The following OTUD4 variants were observed in gnomAD, a reference collection of about 807,000 sequenced individuals.
OTUD4 encodes OTU deubiquitinase 4, also known as OTU domain-containing protein 4.
Under a neutral mutation model 130.4 loss-of-function variants are expected in OTUD4, and 24 were observed. The observed-to-expected ratio is 0.18, with a 90% CI of 0.13 to 0.26. The LOEUF (loss-of-function observed/expected upper bound fraction) is 0.26. OTUD4 is among the 10% of genes least tolerant of loss of function. The pLI is 1.00. For synonymous variants in OTUD4, 420 were observed against 472.5 expected, an observed-to-expected ratio of 0.89 and a Z score of 1.44; for missense variants, 1,031 against 1,329.4, an observed-to-expected ratio of 0.78 and a Z score of 3.49.
At chr4:145,156,671 G>A (rs1355724293) in intron 7 of OTUD4, among the ~76,000 whole-genome samples, 4 of 149,020 alleles carry the variant, frequency 2.7e-5, no homozygotes, top group Non-Finnish European at 4.4e-5. Flanking sequence ...CAGCAAGAGC[G>A]AAACTCCGTC....
In OTUD4 at chr4:145,165,145, G is replaced by C. The variant is rs1751785502; in HGVS notation, c.341+6C>G. The C allele has an allele frequency of 6.5e-7, 1 of 1,549,892 alleles. No individual in the cohort carries two copies. The highest frequency in any genetic ancestry group is 1.4e-5 in the African/African-American group (1 of 73,424). On this transcript the variant is annotated splice_donor_region_variant and intron_variant, in intron 4 of 20. Transcript: ENST00000447906. ...TTTCTTTTACTTATGTTATTACAGT[G>C]TTTACCTGTACATAAGAGAAAGGGC...
intron 13 of OTUD4, among the ~76,000 whole-genome samples, chr4:145,150,016 G>C (rs1750992902): frequency 6.6e-6 from 1 of 152,184 alleles, no homozygotes; most frequent in Non-Finnish European, 1.5e-5. Context: ...TGGATACTTA[G>C]TCAGAATGCT....
At chr4:145,163,702 C>T (rs1560993451) in intron 5 of OTUD4, among the ~76,000 whole-genome samples, 1 of 139,666 alleles carries the variant, frequency 7.2e-6, no homozygotes, top group Non-Finnish European at 1.5e-5. Flanking sequence ...TTAATAGGAA[C>T]CTTTTTTTTT....
At chr4:145,174,288 A>G (rs1752319383) in intron 2 of OTUD4, among the ~76,000 whole-genome samples, 4 of 151,840 alleles carry the variant, frequency 2.6e-5, no homozygotes, top group African/African-American at 9.7e-5. Flanking sequence ...TTTTTCTTTT[A>G]ATTTATAGGG....
intron 17 of OTUD4, 69 bp from the exon 18 acceptor site, chr4:145,142,403 T>C: frequency 7.2e-7 from 1 of 1,386,418 alleles, no homozygotes; most frequent in South Asian, 1.3e-5. Flanking sequence ...ACACTATTTC[T>C]AACCACCAGA....
At chr4:145,165,542 A>T (rs1751813571) in intron 3 of OTUD4, among the ~76,000 whole-genome samples, 1 of 151,678 alleles carries the variant, frequency 6.6e-6, no homozygotes, top group Admixed American at 6.6e-5. Flanking sequence ...CAGCGGCGTG[A>T]TCTCGGCTCA....
intron 10 of OTUD4, 61 bp downstream of exon 10, chr4:145,155,350 T>C (rs908694175): frequency 7.5e-7 from 1 of 1,335,888 alleles, no homozygotes; most frequent in Non-Finnish European, 1.1e-6. Context: ...TTTTCTCTGT[T>C]TGTATTAGAA....
chr4:145,149,947 G>C (rs1479302692), intron 13 of OTUD4, among the ~76,000 whole-genome samples: 1 of 152,074 alleles, frequency 6.6e-6, no homozygotes, highest in East Asian at 1.9e-4. Flanking sequence ...TGAAGACTAG[G>C]GAAAAATTAA....
Position 145,133,915 on chromosome 4 carries a change from C to T in OTUD4, c.*3515G>A, listed in dbSNP as rs1279980896. 6.6e-6 allele frequency: 1 copy of T among 152,638 alleles called. No individual in the cohort carries two copies. The highest frequency in any genetic ancestry group is 6.5e-5 in the Admixed American group (1 of 15,284). 9.5% of individuals were successfully genotyped at this position (152,638 alleles called of 1,614,324 possible). On this transcript the variant is annotated 3_prime_UTR_variant, in exon 21 of 21. Coordinates refer to ENST00000447906, the MANE Select transcript of OTUD4 (RefSeq NM_001366057.1). ...TTACAAGTAACATCACAAATGATCA[C>T]ATCTTCACATGCTCTTAAAGTATTA...
intron 3 of OTUD4, among the ~76,000 whole-genome samples, chr4:145,168,699 T>C (rs1165025464): frequency 6.6e-6 from 1 of 152,240 alleles, no homozygotes; most frequent in Non-Finnish European, 1.5e-5. Flanking sequence ...ATTCTCATAA[T>C]ATTGCTGATG....
intron 2 of OTUD4, among the ~76,000 whole-genome samples, chr4:145,174,077 G>A (rs968734432): frequency 3.3e-5 from 5 of 151,088 alleles, no homozygotes; most frequent in Non-Finnish European, 7.4e-5. Flanking sequence ...GCGCAACTCG[G>A]CTCACTGCAA....
intron 1 of OTUD4, 28 bp downstream of exon 1, chr4:145,179,786 CG>C: frequency 7.1e-7 from 1 of 1,407,758 alleles, no homozygotes; most frequent in Admixed American, 2.2e-5. Context: ...CGCCTCCCCT[CG>C]AAGCCCTCCC....
At chr4:145,145,260 A>C (rs36226328) in intron 14 of OTUD4, among the ~76,000 whole-genome samples, 195 of 152,352 alleles carry the variant, frequency 1.3e-3, no homozygotes, top group Non-Finnish European at 2.4e-3. Context: ...AACACATGAC[A>C]TGAGAGATAA....
At chr4:145,146,897 G>C (rs1177010716) in intron 13 of OTUD4, among the ~76,000 whole-genome samples, 1 of 152,130 alleles carries the variant, frequency 6.6e-6, no homozygotes, top group East Asian at 1.9e-4. Context: ...TGAGACACTA[G>C]GACCATCTTC....
intron 2 of OTUD4, 82 bp from the exon 3 acceptor site, chr4:145,171,802 G>A (rs1462599938): frequency 4.1e-6 from 3 of 738,304 alleles, no homozygotes; most frequent in Non-Finnish European, 7.4e-6. Context: ...AACATTCACT[G>A]TGAATTACTG....
chr4:145,168,379 C>CA (rs552114430), intron 3 of OTUD4, among the ~76,000 whole-genome samples: 127 of 51,220 alleles, frequency 2.5e-3, no homozygotes, highest in African/African-American at 7.8e-3. Flanking sequence ...AACTCTGCCT[C>CA]AAAAAAAAAT....
chr4:145,159,676 G>A (rs747071630), intron 6 of OTUD4, 41 bp from the exon 7 acceptor site: 12 of 1,600,640 alleles, frequency 7.5e-6, no homozygotes, highest in Admixed American at 3.4e-5. Flanking sequence ...ATTAACTACA[G>A]GCAGTTTTTT....
chr4:145,151,129 G>T (rs757628926), intron 11 of OTUD4, among the ~76,000 whole-genome samples: 2 of 152,060 alleles, frequency 1.3e-5, no homozygotes, highest in African/African-American at 2.4e-5. Context: ...AAAAAAGACA[G>T]TTGAATCACA....
chr4:145,166,769 G>A (rs1751897467), intron 3 of OTUD4, among the ~76,000 whole-genome samples: 1 of 152,190 alleles, frequency 6.6e-6, no homozygotes, highest in Non-Finnish European at 1.5e-5. Context: ...GAAGCTGGGA[G>A]GCAGCAGTCG....
Sources: gnomAD v4.1 joint callset for allele counts (sites outside exome capture counted in the v4.1 genomes callset) on GRCh38, gnomAD v4.1.1 for gene constraint, MANE v1.5 for transcripts, NCBI Gene and HGNC (gene_info 2026-07-23, HGNC 2026-07-21) for gene names.